Variants in LUZP2 observed in about 807,000 individuals in gnomAD.
The protein encoded by LUZP2 is leucine zipper protein 2.
A neutral mutation model predicts 51.6 loss-of-function variants in LUZP2; 52 were observed. The ratio of observed to expected loss-of-function variants is 1.01; its 90% CI spans 0.81 to 1.27. The LOEUF (loss-of-function observed/expected upper bound fraction) is 1.27. LUZP2 is among the 50% of genes most tolerant of loss of function. The pLI, the probability that LUZP2 is intolerant of heterozygous loss-of-function variation, is 0.00. For missense variants in LUZP2, 436 were observed against 395.4 expected (o/e 1.10, Z -0.87); for synonymous variants, 154 against 137.3 (o/e 1.12, Z -0.85).
chr11:24,833,710 G>GCACACACA (rs140351361), intron 5 of LUZP2, among the ~76,000 whole-genome samples: 207 of 141,504 alleles, frequency 1.5e-3, no homozygotes, highest in African/African-American at 5.6e-3. Context: ...CACCGCGCGC[G>GCACACACA]CGCACACACA....
At chr11:25,000,705 G>C (rs999068810) in intron 9 of LUZP2, among the ~76,000 whole-genome samples, 1 of 152,140 alleles carries the variant, frequency 6.6e-6, no homozygotes, top group South Asian at 2.1e-4. Flanking sequence ...TAAACACCGG[G>C]TGGCATCTCT....
At chr11:24,662,901 T>C (rs1445845093) in intron 1 of LUZP2, among the ~76,000 whole-genome samples, 1 of 150,964 alleles carries the variant, frequency 6.6e-6, no homozygotes, top group East Asian at 1.9e-4. Context: ...CACATCAAGA[T>C]ACAAGTGTGA....
chr11:24,992,496 C>A (rs1451826153), intron 9 of LUZP2, among the ~76,000 whole-genome samples: 1 of 152,030 alleles, frequency 6.6e-6, no homozygotes, highest in African/African-American at 2.4e-5. Context: ...GAAGCATAAG[C>A]TCCATGAAAA....
chr11:25,059,765 G>T (rs901837088), intron 10 of LUZP2, among the ~76,000 whole-genome samples: 4 of 152,102 alleles, frequency 2.6e-5, no homozygotes, highest in Non-Finnish European at 5.9e-5. Context: ...GAACTGAGGG[G>T]AAAAACTCCA....
At chr11:24,573,821 A>G (rs1440083865) in intron 1 of LUZP2, among the ~76,000 whole-genome samples, 1 of 151,880 alleles carries the variant, frequency 6.6e-6, no homozygotes, top group Non-Finnish European at 1.5e-5. Flanking sequence ...CTTTTATTAC[A>G]CAAGAGAATC....
intron 1 of LUZP2, among the ~76,000 whole-genome samples, chr11:24,544,645 G>C (rs1181952204): frequency 6.6e-6 from 1 of 151,944 alleles, no homozygotes; most frequent in East Asian, 1.9e-4. Flanking sequence ...AGTATTCAAT[G>C]GTGTATACAT....
chr11:24,853,852 G>A (rs1010836656), intron 5 of LUZP2, among the ~76,000 whole-genome samples: 9 of 152,142 alleles, frequency 5.9e-5, no homozygotes, highest in Non-Finnish European at 1.0e-4. Flanking sequence ...CTTTCTGTTT[G>A]TTAGTTTTCC....
At position 24,926,340 on chromosome 11, in the gene LUZP2, C is replaced by CGT. The variant is rs1199155498; in HGVS notation, c.522+11807_522+11808dup. 6.1e-4 allele frequency among the ~76,000 whole-genome samples: 25 copies of CGT among 40,966 alleles called. 1 individual carries two copies. The highest frequency in any genetic ancestry group is 2.8e-3 in the African/African-American group (19 of 6,690). The allele number at this position is 40,966 out of a possible 152,430, so 26.9% of individuals were successfully genotyped here. On this transcript the variant is annotated intron_variant, in intron 7 of 11. Coordinates refer to ENST00000336930, the MANE Select transcript of LUZP2 (RefSeq NM_001009909.4). ...ATATACGTGTGTGTATATATATATACGTGTGTATATATATACGTGTGTATA... is the reference window on the plus strand; with the variant it reads ...ATATACGTGTGTGTATATATATATACGTGTGTGTATATATATACGTGTGTATA...
At chr11:24,689,575 G>T (rs987810603) in intron 1 of LUZP2, among the ~76,000 whole-genome samples, 3 of 152,092 alleles carry the variant, frequency 2.0e-5, no homozygotes, top group African/African-American at 4.8e-5. Context: ...TTTAACAACT[G>T]CTTGACCATC....
intron 10 of LUZP2, among the ~76,000 whole-genome samples, chr11:25,052,346 A>G (rs746078354): frequency 3.9e-5 from 6 of 152,218 alleles, no homozygotes; most frequent in Non-Finnish European, 7.3e-5. Flanking sequence ...AAGAGTACTT[A>G]CAAAATACTG....
rs140259902 is a variant in LUZP2, at chr11:24,786,287, T to G, written c.396+22979T>G. 365 of 974,588 alleles carry G rather than the reference T, an allele frequency of 3.7e-4. 2 individuals carry two copies. In the African/African-American group the frequency reaches 5.4e-3, roughly 15 times the overall value. 60.4% of individuals were successfully genotyped at this position (974,588 alleles called of 1,614,324 possible). A position where few individuals can be genotyped will look rare whatever the true frequency, so the allele number is the denominator to read the frequency against. On this transcript the variant is annotated intron_variant, in intron 5 of 11. Transcript: ENST00000336930. ...ATAAAAATTATAAAATACAGGAACATAGAAAATAGTATGTTTTATTATTTT... is the reference window on the plus strand; with the variant it reads ...ATAAAAATTATAAAATACAGGAACAGAGAAAATAGTATGTTTTATTATTTT...
intron 9 of LUZP2, among the ~76,000 whole-genome samples, chr11:25,009,505 T>C (rs1352272039): frequency 1.3e-5 from 2 of 152,184 alleles, no homozygotes; most frequent in Non-Finnish European, 1.5e-5. Flanking sequence ...GTAACTTTTA[T>C]CTAGTAACTA....
intron 4 of LUZP2, among the ~76,000 whole-genome samples, chr11:24,746,982 A>C (rs774463618): frequency 2.6e-5 from 4 of 152,086 alleles, no homozygotes; most frequent in African/African-American, 4.8e-5. Flanking sequence ...ATTTCCTTGC[A>C]CTGGGCTTTG....
At chr11:24,967,610 T>G (rs1319304812) in intron 7 of LUZP2, among the ~76,000 whole-genome samples, 3 of 152,022 alleles carry the variant, frequency 2.0e-5, no homozygotes, top group Admixed American at 6.6e-5. Flanking sequence ...AATGAATCAT[T>G]TCTATTAGTA....
At chr11:25,043,836 C>T (rs1278872103) in intron 9 of LUZP2, among the ~76,000 whole-genome samples, 1 of 145,908 alleles carries the variant, frequency 6.9e-6, no homozygotes, top group African/African-American at 2.5e-5. Context: ...TTGCAGTGTG[C>T]TTTTTGCTTT....
chr11:24,730,782 A>G (rs567653494), intron 2 of LUZP2, among the ~76,000 whole-genome samples: 1 of 151,940 alleles, frequency 6.6e-6, no homozygotes, highest in African/African-American at 2.4e-5. Flanking sequence ...ATAACAGTCT[A>G]GAAAGTTGCT....
At position 24,864,133 on chromosome 11, in the gene LUZP2, A is replaced by G. The variant is rs374522653; in HGVS notation, c.397-41858A>G. 1.8e-4 allele frequency among the ~76,000 whole-genome samples: 28 copies of G among 152,300 alleles called. No individual in the cohort carries two copies. In the East Asian group the frequency reaches 4.6e-3, roughly 25 times the overall value. On this transcript the variant is annotated intron_variant, in intron 5 of 11. Coordinates refer to ENST00000336930, the MANE Select transcript of LUZP2 (RefSeq NM_001009909.4). Reference sequence around the variant, plus strand: ...ATACTTTTCAAATATTTGTTCCCCAATAATGGTAATAGTGCTACTAATAAT... The same window carrying G: ...ATACTTTTCAAATATTTGTTCCCCAGTAATGGTAATAGTGCTACTAATAAT...
At chr11:24,551,727 T>A (rs1040354157) in intron 1 of LUZP2, among the ~76,000 whole-genome samples, 1 of 151,986 alleles carries the variant, frequency 6.6e-6, no homozygotes, top group African/African-American at 2.4e-5. Flanking sequence ...ACCTAAAATA[T>A]AATAAAGGTA....
intron 1 of LUZP2, among the ~76,000 whole-genome samples, chr11:24,643,786 G>C (rs1855381991): frequency 6.6e-6 from 1 of 152,110 alleles, no homozygotes; most frequent in Non-Finnish European, 1.5e-5. Flanking sequence ...ATATGAAATA[G>C]TTTGTACACT....
Sources: allele counts gnomAD v4.1 joint callset (sites outside exome capture counted in the v4.1 genomes callset), GRCh38; gene constraint gnomAD v4.1.1; transcripts MANE v1.5; gene names NCBI Gene and HGNC (gene_info 2026-07-23, HGNC 2026-07-21).